Variants in OPA1 observed in about 807,000 individuals in gnomAD.
OPA1 encodes the protein OPA1 mitochondrial dynamin like GTPase.
In OPA1, 59 loss-of-function variants were observed where a neutral mutation model predicts 152.9. The observed-to-expected ratio is 0.39, with a 90% CI of 0.31 to 0.48. The LOEUF is 0.48. Among genes scored for constraint, OPA1 ranks in the 20% least tolerant of loss-of-function variants. The probability of loss-of-function intolerance (pLI) is 0.96; values close to 1 mark genes in which losing one functional copy is unlikely to be tolerated. For missense variants in OPA1, 1,008 were observed against 1,216.8 expected, an observed-to-expected ratio of 0.83 and a Z score of 2.55; for synonymous variants, 400 against 389.9, an observed-to-expected ratio of 1.03 and a Z score of -0.31.
At chr3:193,602,564 C>T (rs1726628669) in intron 1 of OPA1, among the ~76,000 whole-genome samples, 1 of 152,272 alleles carries the variant, frequency 6.6e-6, no homozygotes, top group East Asian at 1.9e-4. Context: ...GTGACTATTT[C>T]ATAAGGGGTC....
rs1432160044 is a variant in OPA1 at position 193,667,221 on chromosome 3, A to C, written c.2924A>C (p.Asp975Ala). The C allele has an allele frequency of 1.9e-6, 3 of 1,610,106 alleles. No homozygotes were observed. Among genetic ancestry groups the C allele is most frequent in the Middle Eastern group, 1.7e-4 (1 of 6,056 alleles). Reference sequence around the variant, plus strand: ...GAGGTATTGGAAGATTTTGCTGAAGATGGTGAGAAGAAGATTAAATTGCTT... The same window carrying C: ...GAGGTATTGGAAGATTTTGCTGAAGCTGGTGAGAAGAAGATTAAATTGCTT... ...VKEVLEDFAE[D>A]GEKKIKLLTG... Residue 975 changes from aspartate to alanine, a missense_variant, in exon 29 of 31, where the codon GAT becomes GCT. This residue lies in a region of OPA1 where 137 missense variants were observed against 171.0 expected (regional missense o/e 0.80). Coordinates refer to ENST00000361510, the MANE Select transcript of OPA1 (RefSeq NM_130837.3).
chr3:193,675,162 A>T (rs905200113), intron 29 of OPA1, among the ~76,000 whole-genome samples: 10 of 151,914 alleles, frequency 6.6e-5, no homozygotes, highest in African/African-American at 1.7e-4. Context: ...TGTAGACTTA[A>T]CCAAAGAAAA....
rs367749415 is a variant in OPA1, at chr3:193,638,031, G to C, written c.1115G>C (p.Gly372Ala). 1 of 1,613,906 alleles carries C rather than the reference G, an allele frequency of 6.2e-7. No homozygotes were observed. Among genetic ancestry groups the C allele is most frequent in the East Asian group, 2.2e-5 (1 of 44,886 alleles). Residue 372 changes from glycine (G) to alanine (A), a missense_variant, in exon 11 of 31, where the codon GGA becomes GCA. Coordinates refer to ENST00000361510, the MANE Select transcript of OPA1 (RefSeq NM_130837.3). ...GCCCAAGCTCGAATATTCCCAAGAGGATCTGGGGAGATGATGACACGTTCT... is the reference window on the plus strand; with the variant it reads ...GCCCAAGCTCGAATATTCCCAAGAGCATCTGGGGAGATGATGACACGTTCT... ...MIAQARIFPR[G>A]SGEMMTRSPV...
chr3:193,599,599 G>T (rs1005507153), intron 1 of OPA1, among the ~76,000 whole-genome samples: 1 of 151,978 alleles, frequency 6.6e-6, no homozygotes, highest in South Asian at 2.1e-4. Flanking sequence ...TTCTGCATCT[G>T]CTGCTTCCCA....
At chr3:193,624,665 T>G (rs975783206) in intron 6 of OPA1, among the ~76,000 whole-genome samples, 6 of 152,136 alleles carry the variant, frequency 3.9e-5, no homozygotes, top group Non-Finnish European at 7.4e-5. Flanking sequence ...TTTATACTGT[T>G]GTATCTGGAA....
chr3:193,643,728 A>G (rs1734124946), intron 15 of OPA1, 101 bp downstream of exon 15: 5 of 1,097,132 alleles, frequency 4.6e-6, no homozygotes, highest in South Asian at 4.2e-5. Flanking sequence ...TACAAGATAA[A>G]TGCATTTTTG....
At position 193,618,995 on chromosome 3, in the gene OPA1, A is replaced by G. The variant is rs1729544030; in HGVS notation, c.678+59A>G. The G allele has an allele frequency of 7.5e-6, 10 of 1,330,024 alleles. No individual in the cohort carries two copies. In the South Asian group the frequency reaches 9.4e-5, roughly 12 times the overall value. 82.4% of individuals were successfully genotyped at this position (1,330,024 alleles called of 1,614,324 possible). ...TCTTGAAAGATTTTTTAAAGTTTTTACTTCTTTGGAAGATTTTAAAATGAT... is the reference window on the plus strand; with the variant it reads ...TCTTGAAAGATTTTTTAAAGTTTTTGCTTCTTTGGAAGATTTTAAAATGAT... On this transcript the variant is annotated intron_variant, in intron 6 of 30. Coordinates refer to ENST00000361510, the MANE Select transcript of OPA1 (RefSeq NM_130837.3).
intron 6 of OPA1, among the ~76,000 whole-genome samples, chr3:193,623,625 A>G (rs927462057): frequency 2.5e-4 from 38 of 152,258 alleles, no homozygotes; most frequent in African/African-American, 8.9e-4. Flanking sequence ...ATGATTATTT[A>G]TTGTTATTTA....
chr3:193,599,401 T>C (rs1726114595), intron 1 of OPA1, among the ~76,000 whole-genome samples: 1 of 139,966 alleles, frequency 7.1e-6, no homozygotes, highest in Non-Finnish European at 1.6e-5. Context: ...TTTTTTATTC[T>C]TTTTTTTTTT....
intron 7 of OPA1, among the ~76,000 whole-genome samples, chr3:193,629,123 G>A (rs1731660843): frequency 6.6e-6 from 1 of 151,988 alleles, no homozygotes; most frequent in East Asian, 2.0e-4. Context: ...ATGTTGGTCA[G>A]GCTGGTCTCG....
At chr3:193,623,197 G>A (rs553709497) in intron 6 of OPA1, among the ~76,000 whole-genome samples, 1 of 151,982 alleles carries the variant, frequency 6.6e-6, no homozygotes, top group South Asian at 2.1e-4. Flanking sequence ...GCCTTTTTTT[G>A]TAAGGCCAAT....
In OPA1 at chr3:193,666,297, T is replaced by A; in HGVS notation, c.2780T>A (p.Leu927Ter). Residue 927 changes from leucine to a stop codon, truncating the protein, a stop_gained and splice_region_variant, in exon 28 of 31, where the codon TTG (leucine) becomes TAG (stop). Coordinates refer to ENST00000361510, the MANE Select transcript of OPA1 (RefSeq NM_130837.3). LOFTEE classifies it high-confidence loss of function. Reference sequence around the variant, plus strand: ...AATCTTAGTTACTTAATATTTCAGTTGGAATGCAATGATGTGGTCTTGTTT... The same window carrying A: ...AATCTTAGTTACTTAATATTTCAGTAGGAATGCAATGATGTGGTCTTGTTT... ...YYQRHFVDSELECNDVVLFWR... is the reference protein window; with the variant it reads ...YYQRHFVDSE 6.2e-7 allele frequency: 1 copy of A among 1,613,492 alleles called. No homozygotes were observed.
At chr3:193,641,743 A>G (rs1275543369) in intron 11 of OPA1, among the ~76,000 whole-genome samples, 1 of 152,264 alleles carries the variant, frequency 6.6e-6, no homozygotes, top group Non-Finnish European at 1.5e-5. Context: ...AAGTAAAATA[A>G]CTATAGAGAA....
At chr3:193,672,763 G>T (rs1367898306) in intron 29 of OPA1, among the ~76,000 whole-genome samples, 2 of 151,894 alleles carry the variant, frequency 1.3e-5, no homozygotes, top group Non-Finnish European at 2.9e-5. Flanking sequence ...CAGCTACTCG[G>T]GAGGCTGAGA....
intron 21 of OPA1, among the ~76,000 whole-genome samples, chr3:193,653,610 C>T (rs1222910194): frequency 1.3e-5 from 2 of 152,004 alleles, no homozygotes; most frequent in African/African-American, 4.8e-5. Flanking sequence ...GCAGAATTTT[C>T]AACATGATTA....
chr3:193,645,065 A>G (rs1379156763), intron 16 of OPA1, among the ~76,000 whole-genome samples: 1 of 152,008 alleles, frequency 6.6e-6, no homozygotes. Context: ...GTGGATCCAA[A>G]TATTAAAGAA....
intron 1 of OPA1, among the ~76,000 whole-genome samples, chr3:193,599,634 G>A (rs993400263): frequency 2.3e-4 from 35 of 152,050 alleles, no homozygotes; most frequent in African/African-American, 7.7e-4. Context: ...AGTGTCGCTT[G>A]TGGAAATAAT....
At chr3:193,665,931 A>G (rs1346988301) in intron 27 of OPA1, among the ~76,000 whole-genome samples, 1 of 152,196 alleles carries the variant, frequency 6.6e-6, no homozygotes, top group East Asian at 1.9e-4. Flanking sequence ...AAAGAGGTTA[A>G]CCTAAGGACG....
intron 30 of OPA1, 149 bp downstream of exon 30, chr3:193,692,281 T>A (rs1265107135): frequency 1.6e-6 from 1 of 633,026 alleles, no homozygotes; most frequent in Admixed American, 2.7e-5. Flanking sequence ...GCTTCCGAAT[T>A]TCATTTGTAT....
Sources: allele counts gnomAD v4.1 joint callset (sites outside exome capture counted in the v4.1 genomes callset), GRCh38; gene constraint gnomAD v4.1.1; regional missense constraint gnomAD v4.1.1; transcripts MANE v1.5; gene names NCBI Gene and HGNC (gene_info 2026-07-23, HGNC 2026-07-21).